The following FLT4 variants were observed in gnomAD, a reference collection of about 807,000 sequenced individuals.
FLT4 encodes fms related receptor tyrosine kinase 4, also known as vascular endothelial growth factor receptor 3.
FLT4 carries 30 observed loss-of-function variants against 163.2 expected under a neutral mutation model. That is an observed-to-expected ratio of 0.18 (90% CI 0.14 to 0.25). The LOEUF is 0.25. Among genes scored for constraint, FLT4 ranks in the 10% least tolerant of loss-of-function variants. The pLI, the probability that FLT4 is intolerant of heterozygous loss-of-function variation, is 1.00. For synonymous variants in FLT4, 884 were observed against 789.5 expected, an observed-to-expected ratio of 1.12 and a Z score of -2.01; for missense variants, 1,510 against 1,863.8, an observed-to-expected ratio of 0.81 and a Z score of 3.50.
chr5:180,631,937 G>A (rs984939418), intron 1 of FLT4, among the ~76,000 whole-genome samples, 159 bp from the exon 2 acceptor site: 4 of 151,556 alleles, frequency 2.6e-5, no homozygotes, highest in African/African-American at 7.3e-5. Context: ...CACCATGTGC[G>A]CCGTGAGCAG....
At chr5:180,627,322 C>T (rs1763700172) in intron 8 of FLT4, among the ~76,000 whole-genome samples, 1 of 152,112 alleles carries the variant, frequency 6.6e-6, no homozygotes, top group African/African-American at 2.4e-5. Context: ...AGTGCCTGGC[C>T]TGGGGTCGCA....
intron 1 of FLT4, among the ~76,000 whole-genome samples, chr5:180,637,793 G>C (rs1248401232): frequency 1.3e-5 from 2 of 152,166 alleles, no homozygotes; most frequent in African/African-American, 4.8e-5. Context: ...GCCTCTCAAA[G>C]TGCTGGGATT....
intron 24 of FLT4, chr5:180,613,334 G>A: frequency 4.1e-6 from 2 of 492,104 alleles, no homozygotes; most frequent in Non-Finnish European, 7.1e-6. Context: ...AGAGGACTGT[G>A]CCGCCTGCTT....
Position 180,630,951 on chromosome 5 carries a change from G to C in FLT4, c.156-152C>G. ...GGGCGCACACTACAGACCGTGCCCA[G>C]GGCAGGGCACTCCCCGACCCCCGGG... On this transcript the variant is annotated intron_variant, in intron 2 of 29. Transcript: ENST00000261937. This position sits in a 1 kb window ranked among gnomAD's most constrained non-coding sequence, Gnocchi z 6.3. The C allele has an allele frequency of 2.1e-6, 2 of 960,760 alleles. No homozygotes were observed. Among genetic ancestry groups the C allele is most frequent in the Non-Finnish European group, 3.0e-6 (2 of 666,920 alleles). 59.5% of individuals were successfully genotyped at this position (960,760 alleles called of 1,614,324 possible).
intron 29 of FLT4, among the ~76,000 whole-genome samples, chr5:180,606,909 A>AC (rs1214106999): frequency 0.063 from 8,803 of 139,756 alleles, 367 homozygotes; most frequent in Non-Finnish European, 0.093. Flanking sequence ...AAAAAAAAAA[A>AC]AAAAAACAAA....
rs307821 is a variant in FLT4, at chr5:180,603,313, C to T, written c.3971G>A (p.Arg1324Gln). Residue 1324 changes from arginine (R) to glutamine (Q), a missense_variant, in exon 30 of 30, where the codon CGG becomes CAG. Physicochemically the swap from Arg to Gln is conservative, Grantham distance 43 (BLOSUM62 1). Coordinates refer to ENST00000261937, the MANE Select transcript of FLT4 (RefSeq NM_182925.5). ...AAACACCTGGCCTCCTCGGGCCCCCCGCTCAGGCCGCCGCCGCCTCCCTTG... is the reference window on the plus strand; with the variant it reads ...AAACACCTGGCCTCCTCGGGCCCCCTGCTCAGGCCGCCGCCGCCTCCCTTG... The part of the protein sequence containing the change: ...DSQGRRRRPE[R>Q]GARGGQVFYN... The T allele has an allele frequency of 1.1e-5, 18 of 1,613,658 alleles. No homozygotes were observed. The Admixed American group carries it at 1.2e-4, about 10-fold the overall frequency.
chr5:180,611,680 T>G (rs1190998327), intron 26 of FLT4: 1 of 92,140 alleles, frequency 1.1e-5, no homozygotes, highest in Non-Finnish European at 2.5e-5. Context: ...TCCTGACCCC[T>G]GAGATAGGGC....
At chr5:180,619,202 G>A (rs762241772) in intron 19 of FLT4, 51 bp downstream of exon 19, 25 of 1,386,108 alleles carry the variant, frequency 1.8e-5, no homozygotes, top group South Asian at 1.6e-4. Flanking sequence ...TCCCGCCCGC[G>A]GCGCCCCGCG....
At chr5:180,649,621 G>T, upstream of FLT4, 1 of 821,576 alleles carries the variant, frequency 1.2e-6, no homozygotes, top group Non-Finnish European at 1.6e-6. Flanking sequence ...GCGCCGGCTG[G>T]CCTGGGGCGG....
At chr5:180,610,918 G>T (rs307830) in intron 27 of FLT4, among the ~76,000 whole-genome samples, 1 of 150,310 alleles carries the variant, frequency 6.7e-6, no homozygotes, top group East Asian at 2.0e-4. Flanking sequence ...TTAGCCAGGC[G>T]TGGTGGCGGG....
At chr5:180,639,808 G>A (rs1764967836) in intron 1 of FLT4, among the ~76,000 whole-genome samples, 2 of 152,186 alleles carry the variant, frequency 1.3e-5, no homozygotes, top group South Asian at 4.1e-4. Flanking sequence ...GCTGTTGTCT[G>A]TCTCTGCTGT....
chr5:180,626,716 T>C (rs2127829150), intron 8 of FLT4, among the ~76,000 whole-genome samples: 1 of 152,310 alleles, frequency 6.6e-6, no homozygotes, highest in South Asian at 2.1e-4. Context: ...TCCTCTTTCT[T>C]AGACACCTGA....
upstream of FLT4, among the ~76,000 whole-genome samples, chr5:180,650,210 A>AG (rs1765671248): frequency 6.7e-6 from 1 of 149,934 alleles, no homozygotes; most frequent in Admixed American, 6.6e-5. Context: ...CCCGTTCAGC[A>AG]GTGTTTACCT....
rs150727551 is a variant in FLT4, at chr5:180,636,952, G to A, written c.59-5174C>T. On this transcript the variant is annotated intron_variant, in intron 1 of 29. Transcript: ENST00000261937. This position sits in a 1 kb window ranked among gnomAD's most constrained non-coding sequence, Gnocchi z 4.3. ...CATTCCAAACAGCACAACACTGGCA[G>A]CACAAGGCCCCCACAGGAGCTCCTC... 9.9e-4 allele frequency among the ~76,000 whole-genome samples: 151 copies of A among 152,080 alleles called. No homozygotes were observed. The highest frequency in any genetic ancestry group is 6.8e-3 in the Middle Eastern group (2 of 294).
chr5:180,616,374 T>G lies in FLT4; in HGVS notation c.3212A>C (p.Lys1071Thr). 6 of 1,613,958 alleles carry G rather than the reference T, an allele frequency of 3.7e-6. No homozygotes were observed. Among genetic ancestry groups the G allele is most frequent in the Non-Finnish European group, 5.1e-6 (6 of 1,179,988 alleles). The change falls in exon 23 of 30, where the codon AAG (lysine) becomes ACG (threonine). Residue 1071 changes from lysine (K) to threonine (T), a missense_variant. Lys to Thr is a moderately conservative substitution (Grantham distance 78, BLOSUM62 -1). Transcript: ENST00000261937. ...TCAATGGCCTGCACTCACACTGCCC[T>G]TGCGGACGTAGTCGGGGTCTTTGTA... is the stretch of plus-strand genomic sequence containing the variant. ...DIYKDPDYVR[K>T]GSARLPLKWM...
Position 180,624,033 on chromosome 5 carries a change from G to T in FLT4, c.1450C>A (p.Pro484Thr). 1 of 1,613,180 alleles carries T rather than the reference G, an allele frequency of 6.2e-7. No individual in the cohort carries two copies. The highest frequency in any genetic ancestry group is 8.5e-7 in the Non-Finnish European group (1 of 1,179,986). The change falls in exon 11 of 30, where the codon CCA becomes ACA. Residue 484 changes from proline (P) to threonine (T), a missense_variant. Physicochemically the swap from Pro to Thr is conservative, Grantham distance 38. Coordinates refer to ENST00000261937, the MANE Select transcript of FLT4 (RefSeq NM_182925.5). ...ACCGCCCTCCAGTCACGGCACTGTGGCATGAGGTCTTGCTGCTGCCGCCGC... is the reference window on the plus strand; with the variant it reads ...ACCGCCCTCCAGTCACGGCACTGTGTCATGAGGTCTTGCTGCTGCCGCCGC... ...LRRRQQQDLM[P>T]QCRDWRAVTT...
intron 6 of FLT4, 124 bp downstream of exon 6, chr5:180,629,572 A>C: frequency 1.4e-6 from 2 of 1,452,222 alleles, no homozygotes; most frequent in South Asian, 1.2e-5. Context: ...AACACTTGCC[A>C]CTCAGACCGG....
Position 180,623,796 on chromosome 5 carries a change from C to G in FLT4, c.1548+139G>C. On this transcript the variant is annotated intron_variant, in intron 11 of 29. Coordinates refer to ENST00000261937, the MANE Select transcript of FLT4 (RefSeq NM_182925.5). The surrounding 1 kb of genome is among the most constrained non-coding windows in gnomAD (Gnocchi z 5.8). ...CTGCAGGCAGGGTGGCCGAGGCCTA[C>G]AGACTGCAGGAAGGTCACCCGCTCT... 9.3e-7 allele frequency: 1 copy of G among 1,079,358 alleles called. No homozygotes were observed. The highest frequency in any genetic ancestry group is 1.4e-6 in the Non-Finnish European group (1 of 708,936). 66.9% of individuals were successfully genotyped at this position (1,079,358 alleles called of 1,614,324 possible).
intron 18 of FLT4, 35 bp from the exon 19 acceptor site, chr5:180,619,401 C>A: frequency 6.5e-7 from 1 of 1,537,854 alleles, no homozygotes. Flanking sequence ...CGGCCCCGAC[C>A]CTGGCAGGTC....
Sources: gnomAD v4.1 joint callset for allele counts (sites outside exome capture counted in the v4.1 genomes callset) on GRCh38, gnomAD v4.1.1 for gene constraint, Gnocchi (gnomAD v3.1) non-coding constraint, MANE v1.5 for transcripts, NCBI Gene and HGNC (gene_info 2026-07-23, HGNC 2026-07-21) for gene names.